The following PLAUR variants were observed in gnomAD, a reference collection of about 807,000 sequenced individuals.
PLAUR encodes the protein urokinase plasminogen activator surface receptor.
A neutral mutation model predicts 33.4 loss-of-function variants in PLAUR; 22 were observed. The observed-to-expected ratio is 0.66, with a 90% confidence interval of 0.47 to 0.94. The LOEUF (loss-of-function observed/expected upper bound fraction) is 0.94, where lower values mean the gene tolerates loss of function less well. Among genes scored for constraint, PLAUR ranks in the 40% least tolerant of loss-of-function variants. The pLI is 0.00. For synonymous variants in PLAUR, 148 were observed against 167.3 expected (o/e 0.88, Z 0.89); for missense variants, 408 against 434.7 (o/e 0.94, Z 0.55).
chr19:43,655,648 C>T, intron 4 of PLAUR, 75 bp from the exon 5 acceptor site: 1 of 1,379,912 alleles, frequency 7.2e-7, no homozygotes, highest in Non-Finnish European at 9.9e-7. Flanking sequence ...CCCGAAATAG[C>T]AGGCATTCAA....
intron 6 of PLAUR, among the ~76,000 whole-genome samples, chr19:43,650,482 T>C (rs890708132): frequency 6.6e-6 from 1 of 151,928 alleles, no homozygotes; most frequent in African/African-American, 2.4e-5. Flanking sequence ...TGCACCACCA[T>C]GCCCAGCTAA....
intron 6 of PLAUR, among the ~76,000 whole-genome samples, chr19:43,649,561 AAAGG>A (rs1477835601): frequency 3.5e-5 from 5 of 143,618 alleles, no homozygotes; most frequent in Non-Finnish European, 4.6e-5. Context: ...AAAAAGAAAG[AAAGG>A]AAGGAAGGGA....
chr19:43,658,371 C>A (rs903423780), intron 3 of PLAUR, among the ~76,000 whole-genome samples: 1 of 152,206 alleles, frequency 6.6e-6, no homozygotes, highest in African/African-American at 2.4e-5. Context: ...TGAGCCAGAA[C>A]CACCTAGCTA....
intron 2 of PLAUR, among the ~76,000 whole-genome samples, chr19:43,665,750 T>A (rs1217700216): frequency 1.6e-4 from 2 of 12,314 alleles, no homozygotes; most frequent in African/African-American, 2.8e-4. Context: ...CACTGGAGCC[T>A]TGACCTCCCA....
intron 2 of PLAUR, 175 bp downstream of exon 2, chr19:43,667,406 A>G (rs533263123): frequency 2.9e-5 from 18 of 612,770 alleles, no homozygotes; most frequent in African/African-American, 2.2e-4. Flanking sequence ...CCACATCCTT[A>G]CTAACCCGGG....
chr19:43,668,941 C>T (rs550533388), intron 1 of PLAUR, among the ~76,000 whole-genome samples: 1 of 152,334 alleles, frequency 6.6e-6, no homozygotes, highest in Non-Finnish European at 1.5e-5. Context: ...CTCCCCGCCC[C>T]AGGCTCCGCC....
At chr19:43,653,562 G>A (rs535561264) in intron 5 of PLAUR, among the ~76,000 whole-genome samples, 1 of 152,328 alleles carries the variant, frequency 6.6e-6, no homozygotes, top group East Asian at 1.9e-4. Flanking sequence ...GGGAGGCCGA[G>A]GCAGGAGAAT....
chr19:43,664,855 C>T (rs1967160235), intron 3 of PLAUR, among the ~76,000 whole-genome samples: 1 of 152,220 alleles, frequency 6.6e-6, no homozygotes, highest in Non-Finnish European at 1.5e-5. Flanking sequence ...TGAGACATCT[C>T]ATCTATGTCT....
intron 3 of PLAUR, among the ~76,000 whole-genome samples, chr19:43,663,389 G>A (rs895343026): frequency 6.6e-6 from 1 of 150,548 alleles, no homozygotes; most frequent in African/African-American, 2.5e-5. Flanking sequence ...CAGGGCACAA[G>A]GCTGTCTTGG....
Position 43,652,153 on chromosome 19 carries a change from C to G in PLAUR, c.754+72G>C, listed in dbSNP as rs569619979. 2.5e-6 allele frequency: 4 copies of G among 1,586,810 alleles called. No homozygotes were observed. The South Asian group carries it at 4.5e-5, about 18-fold the overall frequency. Reference sequence around the variant, plus strand: ...CCCACCACAGTTAACTCCAGCTTAACTGGAAGTCAATCTCTTGCGGAACTC... The same window carrying G: ...CCCACCACAGTTAACTCCAGCTTAAGTGGAAGTCAATCTCTTGCGGAACTC... On this transcript the variant is annotated intron_variant, in intron 6 of 6. Transcript: ENST00000340093.
intron 3 of PLAUR, chr19:43,665,014 T>G: frequency 8.2e-6 from 3 of 366,238 alleles, no homozygotes; most frequent in Non-Finnish European, 1.5e-5. Context: ...AAGGATGGGG[T>G]TGATTTGGGG....
At chr19:43,665,183 G>T (rs4251834) in intron 3 of PLAUR, 133 bp downstream of exon 3, 1 of 875,110 alleles carries the variant, frequency 1.1e-6, no homozygotes, top group Non-Finnish European at 1.8e-6. Flanking sequence ...GATGGGTTGG[G>T]TTGGGGTTGG....
At chr19:43,655,300 G>GGC (rs1454216079) in intron 5 of PLAUR, 139 bp downstream of exon 5, 3 of 386,942 alleles carry the variant, frequency 7.8e-6, no homozygotes, top group Non-Finnish European at 1.3e-5. Flanking sequence ...AAAAAAAAAA[G>GGC]GCCTGATACT....
At chr19:43,648,065 G>T (rs761971632), downstream of PLAUR, among the ~76,000 whole-genome samples, 4 of 151,940 alleles carry the variant, frequency 2.6e-5, no homozygotes, top group Non-Finnish European at 5.9e-5. Context: ...TGGTCGGAAG[G>T]GAGGCTATCT....
chr19:43,646,595 C>A (rs2146177282), downstream of PLAUR: 4 of 712,120 alleles, frequency 5.6e-6, no homozygotes, highest in East Asian at 1.1e-4. Flanking sequence ...AACTTGGTTC[C>A]AGAACATAGC....
At chr19:43,647,978 G>A (rs1568548666), downstream of PLAUR, among the ~76,000 whole-genome samples, 1 of 145,342 alleles carries the variant, frequency 6.9e-6, no homozygotes, top group Non-Finnish European at 1.5e-5. Context: ...ATATTTAAGA[G>A]TTTTGGAAGG....
intron 3 of PLAUR, among the ~76,000 whole-genome samples, chr19:43,662,783 T>G (rs1967062383): frequency 6.6e-6 from 1 of 151,574 alleles, no homozygotes; most frequent in South Asian, 2.1e-4. Flanking sequence ...GGTGCGATCA[T>G]AGCTTACTGC....
downstream of PLAUR, chr19:43,648,450 C>T (rs371307822): frequency 1.9e-4 from 53 of 281,118 alleles, no homozygotes; most frequent in Middle Eastern, 3.6e-3. Context: ...GAGGCAGCCC[C>T]CAGGAGGACT....
At chr19:43,657,031 C>G (rs1376875116) in intron 3 of PLAUR, among the ~76,000 whole-genome samples, 1 of 151,800 alleles carries the variant, frequency 6.6e-6, no homozygotes, top group African/African-American at 2.4e-5. Flanking sequence ...GCAACCTCCA[C>G]TCCCCGGGTT....
Sources: gnomAD v4.1 joint callset for allele counts (sites outside exome capture counted in the v4.1 genomes callset) on GRCh38, gnomAD v4.1.1 for gene constraint, MANE v1.5 for transcripts, NCBI Gene and HGNC (gene_info 2026-07-23, HGNC 2026-07-21) for gene names.